The following PACS2 variants were observed in gnomAD, a reference collection of about 807,000 sequenced individuals.
The protein encoded by PACS2 is phosphofurin acidic cluster sorting protein 2, also known as PACS1-like protein.
Under a neutral mutation model 113.0 loss-of-function variants are expected in PACS2, and 36 were observed. The observed-to-expected ratio is 0.32, with a 90% CI of 0.24 to 0.42. PACS2 has a LOEUF of 0.42. Among genes scored for constraint, PACS2 ranks in the 10% least tolerant of loss-of-function variants. The pLI is 1.00. For synonymous variants in PACS2, 589 were observed against 536.1 expected (o/e 1.10, Z -1.36); for missense variants, 1,015 against 1,239.5 (o/e 0.82, Z 2.72).
In PACS2 at chr14:105,394,697, C is replaced by CCT; in HGVS notation, c.*26_*27dup. The CCT allele has an allele frequency of 6.9e-7, 1 of 1,450,540 alleles. No homozygotes were observed. The allele number at this position is 1,450,540 out of a possible 1,614,324, so 89.9% of individuals were successfully genotyped here. On this transcript the variant is annotated 3_prime_UTR_variant, in exon 25 of 25. Transcript: ENST00000447393. ...GCCCCACCCACCAGGGGGCCCACCT[C>CCT]CTGCCCCATGCTGTGAGGGGCCCAG...
chr14:105,337,129 C>T (rs1246799536), intron 1 of PACS2, among the ~76,000 whole-genome samples: 1 of 152,194 alleles, frequency 6.6e-6, no homozygotes, highest in Non-Finnish European at 1.5e-5. Flanking sequence ...CAGGCTGCAA[C>T]GTGGATGGAA....
At chr14:105,304,680 T>A (rs922121520) in intron 1 of PACS2, among the ~76,000 whole-genome samples, 4 of 152,162 alleles carry the variant, frequency 2.6e-5, no homozygotes, top group Non-Finnish European at 4.4e-5. Context: ...GACTGGGCGA[T>A]TAACAAACAA....
rs2060039812 is a variant in PACS2 at position 105,348,787 on chromosome 14, C to T, written c.207+207C>T. 2 of 547,382 alleles carry T rather than the reference C, an allele frequency of 3.7e-6. No homozygotes were observed. Among genetic ancestry groups the T allele is most frequent in the Admixed American group, 3.1e-5 (1 of 31,906 alleles). The allele number at this position is 547,382 out of a possible 1,614,324, so 33.9% of individuals were successfully genotyped here. On this transcript the variant is annotated intron_variant, in intron 2 of 24. Transcript: ENST00000447393. This position sits in a 1 kb window ranked among gnomAD's most constrained non-coding sequence, Gnocchi z 6.4. ...GCACAAGGGAGGCAGGCCCGGCCTT[C>T]TGGGATGTGGAGGTCACATGCATGG...
rs144116788 is a variant in PACS2, at chr14:105,330,563, C to T, written c.119+15526C>T. 6.6e-6 allele frequency among the ~76,000 whole-genome samples: 1 copy of T among 152,220 alleles called. No individual in the cohort carries two copies. Among genetic ancestry groups the T allele is most frequent in the East Asian group, 1.9e-4 (1 of 5,186 alleles). On this transcript the variant is annotated intron_variant, in intron 1 of 24. Transcript: ENST00000447393. This position sits in a 1 kb window ranked among gnomAD's most constrained non-coding sequence, Gnocchi z 6.9. Reference sequence around the variant, plus strand: ...CCTGACCCAGCTGGGTGTGTGGCCGCTCTCTGGACCCCCGGTCCCAGGGTG... The same window carrying T: ...CCTGACCCAGCTGGGTGTGTGGCCGTTCTCTGGACCCCCGGTCCCAGGGTG...
chr14:105,353,414 TC>T (rs2060311853), intron 3 of PACS2, among the ~76,000 whole-genome samples: 2 of 62,440 alleles, frequency 3.2e-5, no homozygotes, highest in African/African-American at 1.2e-4. Flanking sequence ...CGGCCCCCCC[TC>T]ATCACTGTCC....
At chr14:105,359,843 G>C (rs144605181) in intron 4 of PACS2, among the ~76,000 whole-genome samples, 3,792 of 152,168 alleles carry the variant, frequency 0.025, 178 homozygotes, top group African/African-American at 0.085. Flanking sequence ...CGCCCACCTT[G>C]GTCTCCCAAA....
At chr14:105,384,801 C>T in intron 17 of PACS2, 78 bp from the exon 18 acceptor site, 1 of 942,608 alleles carries the variant, frequency 1.1e-6, no homozygotes, top group Non-Finnish European at 1.7e-6. Flanking sequence ...GGGCGGGGCA[C>T]CGGGGAGGCC....
At chr14:105,387,068 G>A (rs1555413730) in intron 19 of PACS2, among the ~76,000 whole-genome samples, 1 of 152,166 alleles carries the variant, frequency 6.6e-6, no homozygotes, top group East Asian at 1.9e-4. Flanking sequence ...CGTGTTGCAG[G>A]GGTGACACTG....
chr14:105,392,783 G>T lies in PACS2; in HGVS notation c.2420G>T (p.Gly807Val), dbSNP rs1555415288. 6.2e-7 allele frequency: 1 copy of T among 1,610,980 alleles called. No homozygotes were observed. The highest frequency in any genetic ancestry group is 1.7e-5 in the Admixed American group (1 of 60,016). Reference sequence around the variant, plus strand: ...CAGGTCAGCAGGCTGCCCAGCAGCGGCGAGGCTGCAGCCACGCCCACCATG... The same window carrying T: ...CAGGTCAGCAGGCTGCCCAGCAGCGTCGAGGCTGCAGCCACGCCCACCATG... ...SLQVSRLPSS[G>V]EAAATPTMSM... is the part of the protein sequence containing the mutation. Residue 807 changes from glycine (G) to valine (V), a missense_variant, in exon 23 of 25, where the codon GGC becomes GTC. This residue lies in a region of PACS2 where 859 missense variants were observed against 1,056.8 expected (regional missense o/e 0.81). Transcript: ENST00000447393.
At chr14:105,368,711 C>T (rs1555408626) in intron 7 of PACS2, among the ~76,000 whole-genome samples, 172 bp downstream of exon 7, 1 of 152,226 alleles carries the variant, frequency 6.6e-6, no homozygotes, top group Non-Finnish European at 1.5e-5. Flanking sequence ...GTGCCACTGT[C>T]TCCCCTGCCT....
chr14:105,370,055 A>G, intron 8 of PACS2, 155 bp downstream of exon 8: 1 of 645,466 alleles, frequency 1.5e-6, no homozygotes, highest in Non-Finnish European at 2.6e-6. Context: ...AGGCGCAGTG[A>G]CAGTGGCACT....
intron 4 of PACS2, among the ~76,000 whole-genome samples, chr14:105,363,618 C>T (rs939381969): frequency 5.9e-5 from 9 of 152,160 alleles, no homozygotes; most frequent in Admixed American, 2.6e-4. Flanking sequence ...ATCTTCATCC[C>T]GGCCACTCAC....
Position 105,366,613 on chromosome 14 carries a change from G to C in PACS2, c.424-600G>C, listed in dbSNP as rs1454962639. On this transcript the variant is annotated intron_variant, in intron 4 of 24. Coordinates refer to ENST00000447393, the MANE Select transcript of PACS2 (RefSeq NM_001100913.3). The surrounding 1 kb of genome is among the most constrained non-coding windows in gnomAD (Gnocchi z 4.3). ...ACAACAGAGGAGCTGGACCTGGCCT[G>C]TGAGCCAGGCCTGGTGGGTGTCTCC... is the stretch of plus-strand genomic sequence containing the variant. 6.6e-6 allele frequency among the ~76,000 whole-genome samples: 1 copy of C among 152,218 alleles called. No homozygotes were observed. The highest frequency in any genetic ancestry group is 1.5e-5 in the Non-Finnish European group (1 of 68,034).
intron 7 of PACS2, 49 bp from the exon 8 acceptor site, chr14:105,369,792 G>A (rs1555408882): frequency 6.7e-7 from 1 of 1,482,780 alleles, no homozygotes; most frequent in Middle Eastern, 1.7e-4. Flanking sequence ...TCCAGCGGCG[G>A]GTCTGCAGCT....
intron 4 of PACS2, among the ~76,000 whole-genome samples, chr14:105,361,261 A>G (rs1192754873): frequency 1.3e-5 from 2 of 152,132 alleles, no homozygotes; most frequent in Non-Finnish European, 2.9e-5. Flanking sequence ...TGGGAGGCCA[A>G]GGTGGGCGGA....
chr14:105,393,985 C>T (rs1398983229), intron 24 of PACS2, among the ~76,000 whole-genome samples: 1 of 148,126 alleles, frequency 6.8e-6, no homozygotes, highest in African/African-American at 2.6e-5. Context: ...TTGCAGTGAG[C>T]CGAGATTGCG....
intron 2 of PACS2, among the ~76,000 whole-genome samples, chr14:105,350,152 T>G (rs1170224281): frequency 6.6e-6 from 1 of 152,070 alleles, no homozygotes; most frequent in Non-Finnish European, 1.5e-5. Context: ...CCTGCTGCAG[T>G]CTGGCTGCGG....
rs587742434 is a variant in PACS2 at position 105,358,845 on chromosome 14, T to C, written c.423+3668T>C. Among the ~76,000 whole-genome samples, 1 of 152,176 alleles carries C rather than the reference T, an allele frequency of 6.6e-6. No individual in the cohort carries two copies. The highest frequency in any genetic ancestry group is 1.5e-5 in the Non-Finnish European group (1 of 68,024). ...GCGCGGGAGCGTCACCCTGACCGTT[T>C]GCATGCTGGATTCCCTTTAGTTTCT... On this transcript the variant is annotated intron_variant, in intron 4 of 24. Transcript: ENST00000447393. This position sits in a 1 kb window ranked among gnomAD's most constrained non-coding sequence, Gnocchi z 4.9.
At chr14:105,345,365 C>G (rs2059886061) in intron 1 of PACS2, among the ~76,000 whole-genome samples, 1 of 152,106 alleles carries the variant, frequency 6.6e-6, no homozygotes, top group South Asian at 2.1e-4. Context: ...TGAGATCACG[C>G]CACCGCACTC....
Sources: gnomAD v4.1 joint callset for allele counts (sites outside exome capture counted in the v4.1 genomes callset) on GRCh38, gnomAD v4.1.1 for gene constraint, gnomAD v4.1.1 regional missense constraint, Gnocchi (gnomAD v3.1) non-coding constraint, MANE v1.5 for transcripts, NCBI Gene and HGNC (gene_info 2026-07-23, HGNC 2026-07-21) for gene names.